ZNF567: variants seen among roughly 807,000 people sequenced by gnomAD.
ZNF567 encodes the protein zinc finger protein 567.
A neutral mutation model predicts 53.9 loss-of-function variants in ZNF567; 36 were observed. The observed-to-expected ratio is 0.67, with a 90% CI of 0.51 to 0.88. The LOEUF (loss-of-function observed/expected upper bound fraction) is 0.88. Among genes scored for constraint, ZNF567 ranks in the 40% least tolerant of loss-of-function variants. ZNF567 has a pLI of 0.00. For synonymous variants in ZNF567, 224 were observed against 260.4 expected (o/e 0.86, Z 1.35); for missense variants, 619 against 764.7 (o/e 0.81, Z 2.25).
At chr19:36,685,590 AAGAT>A (rs1479058865), upstream of ZNF567, 2 of 152,246 alleles carry the variant, frequency 1.3e-5, no homozygotes, top group African/African-American at 4.8e-5. Flanking sequence ...ATATAATACT[AAGAT>A]AGACAAATGC....
chr19:36,708,077 G>A (rs1362570365), intron 3 of ZNF567, among the ~76,000 whole-genome samples: 1 of 151,274 alleles, frequency 6.6e-6, no homozygotes, highest in Non-Finnish European at 1.5e-5. Context: ...TAAATTTTTT[G>A]TAGAGACAGG....
At chr19:36,708,416 A>G (rs1379805296) in intron 3 of ZNF567, among the ~76,000 whole-genome samples, 2 of 151,838 alleles carry the variant, frequency 1.3e-5, no homozygotes, top group Admixed American at 6.6e-5. Flanking sequence ...AGTGTAGGTC[A>G]AGAGCAGCAT....
At chr19:36,726,984 T>TTCTC, downstream of ZNF567, 1 of 70,618 alleles carries the variant, frequency 1.4e-5, no homozygotes, top group South Asian at 3.6e-4. Flanking sequence ...TTCTTTCTTT[T>TTCTC]TCTTTCTTTC....
At chr19:36,704,086 G>C (rs2039362925) in intron 3 of ZNF567, among the ~76,000 whole-genome samples, 1 of 152,182 alleles carries the variant, frequency 6.6e-6, no homozygotes, top group Non-Finnish European at 1.5e-5. Context: ...TTTTTTAAAT[G>C]ATTGAAGACA....
upstream of ZNF567, chr19:36,686,656 T>C (rs2038279853): frequency 6.6e-6 from 1 of 152,196 alleles, no homozygotes; most frequent in South Asian, 2.1e-4. Context: ...CCACGACGTC[T>C]TCCCAGAACT....
chr19:36,703,519 C>T (rs1028356225), intron 3 of ZNF567, among the ~76,000 whole-genome samples: 2 of 152,148 alleles, frequency 1.3e-5, no homozygotes, highest in African/African-American at 4.8e-5. Flanking sequence ...TTTGTCTGTG[C>T]CCTGCCCCCA....
At chr19:36,676,207 A>C in the ZNF567 span, among the ~76,000 whole-genome samples, 2 of 151,332 alleles carry the variant, frequency 1.3e-5, no homozygotes, top group Admixed American at 6.6e-5. Context: ...CTGGGATTAC[A>C]GGCACCTGCC....
chr19:36,691,250 C>G (rs1437628175), intron 2 of ZNF567, among the ~76,000 whole-genome samples: 3 of 152,150 alleles, frequency 2.0e-5, no homozygotes, highest in Non-Finnish European at 2.9e-5. Flanking sequence ...CTCGATCTCC[C>G]TGGGCTCAGG....
chr19:36,727,051 T>TTTTATTTA (rs60874148), downstream of ZNF567: 26,052 of 120,386 alleles, frequency 0.22, 3,355 homozygotes, highest in East Asian at 0.51. Context: ...AGTAGATCAA[T>TTTTATTTA]TTTATTTATT....
At chr19:36,668,653 G>A in the ZNF567 span, 1 of 152,224 alleles carries the variant, frequency 6.6e-6, no homozygotes, top group African/African-American at 2.4e-5. Flanking sequence ...GTCCAGAGCC[G>A]ACTTAGAGGA....
Position 36,720,236 on chromosome 19 carries a change from A to G in ZNF567, c.1512A>G (p.Pro504=), listed in dbSNP as rs1182362812. 5 of 1,613,976 alleles carry G rather than the reference A, an allele frequency of 3.1e-6. No individual in the cohort carries two copies. Among genetic ancestry groups the G allele is most frequent in the East Asian group, 4.5e-5 (2 of 44,880 alleles). Residue 504 remains proline (P), a synonymous_variant, in exon 6 of 6, where the codon CCA becomes CCG. Transcript: ENST00000682579. ...ACCGAACTCACACAGGAGAGAAACC[A>G]TATGAATGTAATGAATGTGGTAAAT... ...DHHRTHTGEK[P]YECNECGKSF...
the ZNF567 span, among the ~76,000 whole-genome samples, chr19:36,676,302 G>A: frequency 4.0e-5 from 6 of 151,484 alleles, no homozygotes; most frequent in East Asian, 1.2e-3. Flanking sequence ...CTGACCTCAA[G>A]TGATCTGCCC....
downstream of ZNF567, among the ~76,000 whole-genome samples, chr19:36,725,518 G>A (rs191751066): frequency 2.0e-5 from 3 of 152,166 alleles, no homozygotes; most frequent in East Asian, 3.9e-4. Flanking sequence ...TTTAATTTTC[G>A]CAAGTTGGGT....
At position 36,713,230 on chromosome 19, in the gene ZNF567, A is replaced by G. The variant is rs558331943; in HGVS notation, c.223+363A>G. Among the ~76,000 whole-genome samples the G allele has an allele frequency of 4.6e-5, 7 of 152,218 alleles. No individual in the cohort carries two copies. In the East Asian group the frequency reaches 1.4e-3, roughly 30 times the overall value. ...AGCACTTTGGGAGGCCAAGATGGGC[A>G]GATCCCTTGAGCCCAGGAGTTTGCA... On this transcript the variant is annotated intron_variant, in intron 5 of 5. Transcript: ENST00000682579.
At chr19:36,715,502 TAATAATA>T (rs1568711418) in intron 5 of ZNF567, among the ~76,000 whole-genome samples, 49 of 25,878 alleles carry the variant, frequency 1.9e-3, no homozygotes, top group African/African-American at 3.9e-3. Flanking sequence ...ATAATAATAA[TAATAATA>T]ATTATTATTA....
chr19:36,691,898 T>C (rs1023476952), intron 2 of ZNF567, among the ~76,000 whole-genome samples: 1 of 152,224 alleles, frequency 6.6e-6, no homozygotes, highest in African/African-American at 2.4e-5. Context: ...TCCTCCTGCC[T>C]TGTCTTCCCA....
rs1488229621 is a variant in ZNF567 at position 36,720,016 on chromosome 19, C to T, written c.1292C>T (p.Ser431Phe). The change falls in exon 6 of 6, where the codon TCC becomes TTC. Residue 431 changes from serine to phenylalanine, a missense_variant. Transcript: ENST00000682579. ...YICNECGKSF[S>F]QKTTLALHEK... ...TGTAATGAATGTGGGAAATCCTTCTCCCAGAAGACAACCCTTGCTCTTCAT... is the reference window on the plus strand; with the variant it reads ...TGTAATGAATGTGGGAAATCCTTCTTCCAGAAGACAACCCTTGCTCTTCAT... 5 of 1,613,110 alleles carry T rather than the reference C, an allele frequency of 3.1e-6. No homozygotes were observed. The African/African-American group carries it at 6.7e-5, about 22-fold the overall frequency.
chr19:36,712,930 G>A (rs1251244928), intron 5 of ZNF567, 63 bp downstream of exon 5: 1 of 1,292,992 alleles, frequency 7.7e-7, no homozygotes, highest in African/African-American at 1.5e-5. Flanking sequence ...GGGTCAAGTG[G>A]GGGTGATACC....
chr19:36,689,312 G>A (rs935653954), intron 1 of ZNF567, 85 bp from the exon 2 acceptor site: 2 of 149,428 alleles, frequency 1.3e-5, no homozygotes, highest in African/African-American at 2.5e-5. Flanking sequence ...TTCTTCTGCT[G>A]GAAGCCTGAA....
Sources: allele counts gnomAD v4.1 joint callset (sites outside exome capture counted in the v4.1 genomes callset), GRCh38; gene constraint gnomAD v4.1.1; transcripts MANE v1.5; gene names NCBI Gene and HGNC (gene_info 2026-07-23, HGNC 2026-07-21).